The following EHBP1 variants were observed in gnomAD, a reference collection of about 807,000 sequenced individuals.
The protein encoded by EHBP1 is EH domain-binding protein 1.
Under a neutral mutation model 144.0 loss-of-function variants are expected in EHBP1, and 55 were observed. The ratio of observed to expected loss-of-function variants is 0.38; its 90% confidence interval spans 0.31 to 0.48. The LOEUF is 0.48. Ranked by LOEUF, EHBP1 falls within the 20% of genes least tolerant of loss-of-function variation. EHBP1 has a pLI of 0.98. For missense variants in EHBP1, 1,200 were observed against 1,364.2 expected, an observed-to-expected ratio of 0.88 and a Z score of 1.90; for synonymous variants, 469 against 472.7, an observed-to-expected ratio of 0.99 and a Z score of 0.10.
chr2:62,685,311 T>C (rs574576305), intron 1 of EHBP1, among the ~76,000 whole-genome samples: 7 of 152,082 alleles, frequency 4.6e-5, no homozygotes, highest in Non-Finnish European at 1.0e-4. Context: ...AATTTGTCAA[T>C]ATATAATAAA....
intron 5 of EHBP1, among the ~76,000 whole-genome samples, chr2:62,805,376 A>G (rs1407437908): frequency 6.6e-6 from 1 of 152,104 alleles, no homozygotes; most frequent in Non-Finnish European, 1.5e-5. Flanking sequence ...TCTTAAAAAT[A>G]AATACAAATA....
chr2:62,937,041 A>G (rs2056431859), intron 10 of EHBP1, among the ~76,000 whole-genome samples: 1 of 152,216 alleles, frequency 6.6e-6, no homozygotes, highest in African/African-American at 2.4e-5. Flanking sequence ...GAAATCCAAC[A>G]GAATGGACAG....
At chr2:62,852,724 G>A (rs890948866) in intron 7 of EHBP1, among the ~76,000 whole-genome samples, 1 of 151,988 alleles carries the variant, frequency 6.6e-6, no homozygotes, top group Admixed American at 6.6e-5. Flanking sequence ...CATGAGACTG[G>A]TAATCACTTA....
chr2:62,731,032 T>G (rs1277205802), intron 2 of EHBP1, among the ~76,000 whole-genome samples: 2 of 151,122 alleles, frequency 1.3e-5, no homozygotes, highest in South Asian at 4.2e-4. Flanking sequence ...TTGGTAATAT[T>G]GAGTCTTTCC....
At chr2:62,918,177 G>A (rs1462276167) in intron 10 of EHBP1, among the ~76,000 whole-genome samples, 11 of 152,084 alleles carry the variant, frequency 7.2e-5, no homozygotes, top group African/African-American at 2.2e-4. Flanking sequence ...GTTTGCAGGC[G>A]TGAGCCACCA....
intron 8 of EHBP1, among the ~76,000 whole-genome samples, chr2:62,860,433 G>A (rs2049418233): frequency 6.6e-6 from 1 of 152,098 alleles, no homozygotes; most frequent in South Asian, 2.1e-4. Context: ...GGAGGTTGCA[G>A]TGACCAAGAT....
chr2:62,758,011 C>CA (rs879511679), intron 3 of EHBP1, among the ~76,000 whole-genome samples: 3,062 of 87,386 alleles, frequency 0.035, 85 homozygotes, highest in African/African-American at 0.1. Context: ...GACTCTGTCT[C>CA]AAAAAAAAAA....
intron 4 of EHBP1, among the ~76,000 whole-genome samples, chr2:62,768,021 G>A (rs1451106161): frequency 6.6e-6 from 1 of 152,054 alleles, no homozygotes; most frequent in Non-Finnish European, 1.5e-5. Flanking sequence ...ACACAGCTAA[G>A]GCAGTGTTAA....
At chr2:62,774,654 G>C (rs1031328813) in intron 5 of EHBP1, among the ~76,000 whole-genome samples, 1 of 151,978 alleles carries the variant, frequency 6.6e-6, no homozygotes, top group Non-Finnish European at 1.5e-5. Flanking sequence ...GACCAGCCTG[G>C]GCAACACAAA....
chr2:63,020,740 G>A (rs777267537), intron 19 of EHBP1, among the ~76,000 whole-genome samples: 7 of 151,102 alleles, frequency 4.6e-5, no homozygotes, highest in Non-Finnish European at 7.4e-5. Flanking sequence ...GTGCAGTAGC[G>A]CGATCTCGGC....
At chr2:62,790,750 C>T (rs1172806844) in intron 5 of EHBP1, among the ~76,000 whole-genome samples, 1 of 151,914 alleles carries the variant, frequency 6.6e-6, no homozygotes, top group African/African-American at 2.4e-5. Context: ...TGACTATTTC[C>T]ACAAGAGGTA....
intron 5 of EHBP1, among the ~76,000 whole-genome samples, chr2:62,773,375 A>G (rs2041813020): frequency 6.6e-6 from 1 of 152,140 alleles, no homozygotes; most frequent in Non-Finnish European, 1.5e-5. Flanking sequence ...AGATGTGTAC[A>G]GGACCCCTAC....
At chr2:62,955,436 AT>A in intron 13 of EHBP1, 80 bp from the exon 14 acceptor site, 1 of 1,332,268 alleles carries the variant, frequency 7.5e-7, no homozygotes, top group Admixed American at 2.5e-5. Context: ...ATTTCAGCAG[AT>A]TGTCTAACCT....
chr2:62,690,025 T>C (rs1281711656), intron 1 of EHBP1, among the ~76,000 whole-genome samples: 2 of 152,266 alleles, frequency 1.3e-5, no homozygotes, highest in African/African-American at 4.8e-5. Flanking sequence ...CTAAGTCCAC[T>C]TTTTAATCAC....
intron 5 of EHBP1, among the ~76,000 whole-genome samples, chr2:62,810,925 G>C (rs1351909874): frequency 6.6e-6 from 1 of 152,142 alleles, no homozygotes; most frequent in African/African-American, 2.4e-5. Context: ...TCAACTGGAG[G>C]TTAGGGTTGC....
intron 5 of EHBP1, among the ~76,000 whole-genome samples, chr2:62,778,897 G>A (rs1352843661): frequency 6.6e-6 from 1 of 151,712 alleles, no homozygotes; most frequent in Admixed American, 6.6e-5. Context: ...CTCAATCAAG[G>A]CATCTCACTT....
intron 13 of EHBP1, among the ~76,000 whole-genome samples, chr2:62,950,695 T>C (rs1458156004): frequency 6.6e-6 from 1 of 151,870 alleles, no homozygotes; most frequent in Non-Finnish European, 1.5e-5. Context: ...TGTTTTTTCT[T>C]TTTTTTTGAA....
chr2:62,681,022 A>G (rs1259525659), intron 1 of EHBP1, among the ~76,000 whole-genome samples: 1 of 152,034 alleles, frequency 6.6e-6, no homozygotes, highest in African/African-American at 2.4e-5. Flanking sequence ...TTATAAATAT[A>G]CAAAAAATGG....
intron 2 of EHBP1, among the ~76,000 whole-genome samples, chr2:62,729,849 G>A (rs1365702294): frequency 3.3e-5 from 5 of 151,668 alleles, no homozygotes; most frequent in East Asian, 1.9e-4. Context: ...CCACAGCCTC[G>A]AGTACCAAAT....
Sources: gnomAD v4.1 joint callset for allele counts (sites outside exome capture counted in the v4.1 genomes callset) on GRCh38, gnomAD v4.1.1 for gene constraint, MANE v1.5 for transcripts, NCBI Gene and HGNC (gene_info 2026-07-23, HGNC 2026-07-21) for gene names.